SZT2: variants seen among roughly 807,000 people sequenced by gnomAD.
The protein encoded by SZT2 is SZT2 subunit of KICSTOR complex.
A neutral mutation model predicts 404.2 loss-of-function variants in SZT2; 216 were observed. The observed-to-expected ratio is 0.53, with a 90% CI of 0.48 to 0.60. The LOEUF is 0.60. SZT2 is among the 20% of genes least tolerant of loss of function. The pLI is 0.00. For missense variants in SZT2, 3,857 were observed against 4,459.2 expected (o/e 0.86, Z 3.85); for synonymous variants, 1,693 against 1,749.9 (o/e 0.97, Z 0.81).
At chr1:43,438,595 C>T in intron 46 of SZT2, 104 bp from the exon 47 acceptor site, 1 of 1,092,222 alleles carries the variant, frequency 9.2e-7, no homozygotes, top group Non-Finnish European at 1.4e-6. Flanking sequence ...CTAACACTGC[C>T]TCTAGTATAC....
At position 43,423,165 on chromosome 1, in the gene SZT2, C is replaced by G. The variant is rs773989784; in HGVS notation, c.2104C>G (p.Pro702Ala). ...RFPHRVQSKE[P>A]TPKVKRKGLG... is the part of the protein sequence containing the mutation. ...CCCCCACCGGGTACAAAGCAAGGAG[C>G]CAACGCCCAAGGTGAAACGAAAAGG... The change falls in exon 15 of 72, where the codon CCA becomes GCA. Residue 702 changes from proline to alanine, a missense_variant. Physicochemically the swap from Pro to Ala is conservative, Grantham distance 27. Transcript: ENST00000634258. 1 of 1,597,274 alleles carries G rather than the reference C, an allele frequency of 6.3e-7. No individual in the cohort carries two copies. The highest frequency in any genetic ancestry group is 1.3e-5 in the African/African-American group (1 of 74,994).
intron 4 of SZT2, chr1:43,406,285 A>C: frequency 3.3e-6 from 1 of 306,294 alleles, no homozygotes; most frequent in Non-Finnish European, 6.4e-6. Flanking sequence ...TTTGGTAGAG[A>C]CAGGGTTTCA....
intron 62 of SZT2, 81 bp downstream of exon 62, chr1:43,443,877 A>G: frequency 1.3e-6 from 2 of 1,563,620 alleles, no homozygotes; most frequent in Admixed American, 3.4e-5. Context: ...TCTCTTTACA[A>G]GGTCCTATGT....
chr1:43,425,036 T>G lies in SZT2; in HGVS notation c.2551-77T>G. On this transcript the variant is annotated intron_variant, in intron 17 of 71. Coordinates refer to ENST00000634258, the MANE Select transcript of SZT2 (RefSeq NM_001365999.1). The surrounding 1 kb of genome is among the most constrained non-coding windows in gnomAD (Gnocchi z 4.3). Reference sequence around the variant, plus strand: ...GACAATTTGGTGAGGGAACTGAAATTCTGAGGGCCAGAGCTAGGCCAGGCC... The same window carrying G: ...GACAATTTGGTGAGGGAACTGAAATGCTGAGGGCCAGAGCTAGGCCAGGCC... 1 of 1,591,832 alleles carries G rather than the reference T, an allele frequency of 6.3e-7. No individual in the cohort carries two copies. The highest frequency in any genetic ancestry group is 8.6e-7 in the Non-Finnish European group (1 of 1,160,544).
At chr1:43,409,523 A>G (rs1288972641) in intron 4 of SZT2, 1 of 392,020 alleles carries the variant, frequency 2.6e-6, no homozygotes, top group Non-Finnish European at 5.0e-6. Flanking sequence ...GAAAAACCTA[A>G]TGGCTCCACC....
intron 1 of SZT2, among the ~76,000 whole-genome samples, chr1:43,399,870 C>T (rs532086747): frequency 2.7e-4 from 41 of 152,230 alleles, no homozygotes; most frequent in Middle Eastern, 3.4e-3. Flanking sequence ...CAGGACCTGT[C>T]TCAACACAGT....
In SZT2 at chr1:43,434,383, C is replaced by T; in HGVS notation, c.5805-3C>T. ...TTCTGGTCAGATTATCCTTCCTTCCCAGGAGCCTGATTCGGGAGGATGGGG... is the reference window on the plus strand; with the variant it reads ...TTCTGGTCAGATTATCCTTCCTTCCTAGGAGCCTGATTCGGGAGGATGGGG... On this transcript the variant is annotated splice_polypyrimidine_tract_variant and splice_region_variant and intron_variant, in intron 40 of 71. Transcript: ENST00000634258. The T allele has an allele frequency of 6.3e-7, 1 of 1,589,466 alleles. No homozygotes were observed. The highest frequency in any genetic ancestry group is 1.2e-5 in the South Asian group (1 of 86,438).
chr1:43,426,930 C>A lies in SZT2; in HGVS notation c.3309+121C>A. On this transcript the variant is annotated intron_variant, in intron 23 of 71. Coordinates refer to ENST00000634258, the MANE Select transcript of SZT2 (RefSeq NM_001365999.1). The surrounding 1 kb of genome is among the most constrained non-coding windows in gnomAD (Gnocchi z 4.9). Reference sequence around the variant, plus strand: ...ATGGCATCTGCCAATGACACAATGCCGTCATTTTCCATTGTCCTGGATCTT... The same window carrying A: ...ATGGCATCTGCCAATGACACAATGCAGTCATTTTCCATTGTCCTGGATCTT... 1 of 1,547,712 alleles carries A rather than the reference C, an allele frequency of 6.5e-7. No homozygotes were observed. Among genetic ancestry groups the A allele is most frequent in the Non-Finnish European group, 8.8e-7 (1 of 1,132,176 alleles).
In SZT2 at chr1:43,427,581, A is replaced by T. The variant is rs758316487; in HGVS notation, c.3650A>T (p.Gln1217Leu). The T allele has an allele frequency of 6.2e-7, 1 of 1,614,246 alleles. No individual in the cohort carries two copies. The highest frequency in any genetic ancestry group is 8.5e-7 in the Non-Finnish European group (1 of 1,180,042). ...AGTCCACCATTCCGTCGAGACTTAC[A>T]GGCTTACGCTGGGCGTCAGGCTTCC... ...ELSPPFRRDL[Q>L]AYAGRQASQT... Residue 1217 changes from glutamine to leucine, a missense_variant, in exon 26 of 72, where the codon CAG becomes CTG. Gln to Leu is a moderately radical substitution (Grantham distance 113). Around this residue, in one of 7 missense-constraint regions of SZT2, gnomAD observed 1,725 missense variants for 1,881.0 expected, o/e 0.92. Transcript: ENST00000634258.
rs2153936702 is a variant in SZT2 at position 43,446,944 on chromosome 1, T to C, written c.9073-11T>C. The C allele has an allele frequency of 1.2e-6, 2 of 1,603,798 alleles. No homozygotes were observed. The highest frequency in any genetic ancestry group is 1.7e-6 in the Non-Finnish European group (2 of 1,173,530). Reference sequence around the variant, plus strand: ...ATACCTTAACCCTGTCTCCTGCTGCTGCCTCCCCAGCTGTCCATGCTGTTC... The same window carrying C: ...ATACCTTAACCCTGTCTCCTGCTGCCGCCTCCCCAGCTGTCCATGCTGTTC... On this transcript the variant is annotated splice_polypyrimidine_tract_variant and intron_variant, in intron 65 of 71. Coordinates refer to ENST00000634258, the MANE Select transcript of SZT2 (RefSeq NM_001365999.1).
Position 43,452,443 on chromosome 1 carries a change from C to T in SZT2, c.*1963C>T, listed in dbSNP as rs1656547529. On this transcript the variant is annotated 3_prime_UTR_variant, in exon 72 of 72. Coordinates refer to ENST00000634258, the MANE Select transcript of SZT2 (RefSeq NM_001365999.1). ...TCTCCAGTCCATGGCACCTGGGTCACGATGCCCAGGTATCCCAGCACTTTC... is the reference window on the plus strand; with the variant it reads ...TCTCCAGTCCATGGCACCTGGGTCATGATGCCCAGGTATCCCAGCACTTTC... The T allele has an allele frequency of 3.9e-6, 3 of 771,312 alleles. No homozygotes were observed. The highest frequency in any genetic ancestry group is 2.7e-5 in the East Asian group (1 of 37,374). 47.8% of individuals were successfully genotyped at this position (771,312 alleles called of 1,614,324 possible). A position where few individuals can be genotyped will look rare whatever the true frequency, so the allele number is the denominator to read the frequency against.
chr1:43,423,454 T>C, intron 15 of SZT2, 138 bp downstream of exon 15: 1 of 816,714 alleles, frequency 1.2e-6, no homozygotes, highest in Non-Finnish European at 1.8e-6. Flanking sequence ...GGTACAAAGG[T>C]GTGGAAGGGT....
chr1:43,422,677 C>T (rs77379551), intron 13 of SZT2, 45 bp downstream of exon 13: 85 of 1,154,526 alleles, frequency 7.4e-5, no homozygotes, highest in South Asian at 4.4e-4. Flanking sequence ...CCCACCCCCC[C>T]GCCACCTCAT....
chr1:43,416,436 G>T, intron 6 of SZT2, 99 bp from the exon 7 acceptor site: 1 of 920,384 alleles, frequency 1.1e-6, no homozygotes, highest in Non-Finnish European at 1.7e-6. Context: ...ACATTGGTGG[G>T]AAGACACTGA....
At chr1:43,419,503 A>C (rs1047968722) in intron 7 of SZT2, among the ~76,000 whole-genome samples, 2 of 152,190 alleles carry the variant, frequency 1.3e-5, no homozygotes, top group African/African-American at 4.8e-5. Context: ...GCCTTTAGGT[A>C]TCGAGGAGGA....
intron 51 of SZT2, 40 bp from the exon 52 acceptor site, chr1:43,440,413 A>G: frequency 6.5e-7 from 1 of 1,530,616 alleles, no homozygotes; most frequent in Non-Finnish European, 8.8e-7. Flanking sequence ...ATGGGGATTG[A>G]TGATCAGTGA....
Position 43,452,599 on chromosome 1 carries a change from C to G in SZT2, c.*2119C>G. The G allele has an allele frequency of 1.7e-6, 1 of 599,428 alleles. No homozygotes were observed. The allele number at this position is 599,428 out of a possible 1,614,324, so 37.1% of individuals were successfully genotyped here. A position where few individuals can be genotyped will look rare whatever the true frequency, so the allele number is the denominator to read the frequency against. ...GTCCTTCTCCGCAACCTGTAACCTG[C>G]TAAATTCTCACCTTTAAAAATTGTC... On this transcript the variant is annotated 3_prime_UTR_variant, in exon 72 of 72. Transcript: ENST00000634258.
rs576811948 is a variant in SZT2 at position 43,414,743 on chromosome 1, G to A, written c.499-339G>A. 2.0e-5 allele frequency among the ~76,000 whole-genome samples: 3 copies of A among 152,294 alleles called. No homozygotes were observed. The South Asian group carries it at 6.2e-4, about 32-fold the overall frequency. ...AAAAGGCTTTGCCGGGCTGAGGAGG[G>A]GCAGCTCATAAGACATCCTGTAGGC... On this transcript the variant is annotated intron_variant, in intron 4 of 71. Transcript: ENST00000634258.
chr1:43,448,815 C>A lies in SZT2; in HGVS notation c.10086+87C>A. Reference sequence around the variant, plus strand: ...GTGCCCCTCAGCCTGACCAAACAAGCTCTGCTCTGGAGGGAGGCCTAGACA... The same window carrying A: ...GTGCCCCTCAGCCTGACCAAACAAGATCTGCTCTGGAGGGAGGCCTAGACA... On this transcript the variant is annotated intron_variant, in intron 70 of 71. Transcript: ENST00000634258. This position sits in a 1 kb window ranked among gnomAD's most constrained non-coding sequence, Gnocchi z 4.2. The A allele has an allele frequency of 1.5e-6, 2 of 1,292,062 alleles. No individual in the cohort carries two copies. Among genetic ancestry groups the A allele is most frequent in the Non-Finnish European group, 2.2e-6 (2 of 889,790 alleles). 80.0% of individuals were successfully genotyped at this position (1,292,062 alleles called of 1,614,324 possible). A position where few individuals can be genotyped will look rare whatever the true frequency, so the allele number is the denominator to read the frequency against.
Sources: gnomAD v4.1 joint callset for allele counts (sites outside exome capture counted in the v4.1 genomes callset) on GRCh38, gnomAD v4.1.1 for gene constraint, gnomAD v4.1.1 regional missense constraint, Gnocchi (gnomAD v3.1) non-coding constraint, MANE v1.5 for transcripts, NCBI Gene and HGNC (gene_info 2026-07-23, HGNC 2026-07-21) for gene names.